SHISAL1: variants seen among roughly 807,000 people sequenced by gnomAD.
SHISAL1 encodes the protein protein shisa-like-1.
SHISAL1 carries 9 observed loss-of-function variants against 22.6 expected under a neutral mutation model. The ratio of observed to expected loss-of-function variants is 0.40; its 90% CI spans 0.24 to 0.70. The LOEUF (loss-of-function observed/expected upper bound fraction) is 0.70. SHISAL1 is among the 30% of genes least tolerant of loss of function. The pLI is 0.39. For missense variants in SHISAL1, 246 were observed against 270.6 expected (o/e 0.91, Z 0.64); for synonymous variants, 119 against 115.4 (o/e 1.03, Z -0.20).
chr22:44,300,849 C>T (rs747158927), intron 2 of SHISAL1, 30 bp downstream of exon 2: 3 of 1,603,130 alleles, frequency 1.9e-6, no homozygotes, highest in Middle Eastern at 1.7e-4. Context: ...CACGTGCCGC[C>T]CCCGCCCCCA....
intron 4 of SHISAL1, among the ~76,000 whole-genome samples, chr22:44,276,632 G>A (rs1569214914): frequency 6.6e-6 from 1 of 152,128 alleles, no homozygotes; most frequent in African/African-American, 2.4e-5. Flanking sequence ...AGGAAAGAAA[G>A]GGAGGAGCCA....
chr22:44,296,930 C>G, intron 2 of SHISAL1, 45 bp from the exon 3 acceptor site: 1 of 1,497,412 alleles, frequency 6.7e-7, no homozygotes, highest in Non-Finnish European at 9.2e-7. Flanking sequence ...CTCACCAGTC[C>G]ACGGGTGCCA....
intron 3 of SHISAL1, among the ~76,000 whole-genome samples, chr22:44,288,510 G>A (rs540390008): frequency 5.9e-5 from 9 of 152,224 alleles, no homozygotes; most frequent in Admixed American, 1.3e-4. Context: ...GTGTGGTGGC[G>A]GGCGCCTGTA....
At chr22:44,252,882 C>A (rs1476346692) in intron 4 of SHISAL1, among the ~76,000 whole-genome samples, 1 of 151,852 alleles carries the variant, frequency 6.6e-6, no homozygotes, top group Non-Finnish European at 1.5e-5. Flanking sequence ...GCAGTCCCAG[C>A]TACTCAAGAG....
the SHISAL1 span, among the ~76,000 whole-genome samples, chr22:44,323,761 C>T: frequency 6.6e-6 from 1 of 152,250 alleles, no homozygotes; most frequent in Non-Finnish European, 1.5e-5. Context: ...TCAAGCTAAA[C>T]TAGGAACAAG....
intron 4 of SHISAL1, among the ~76,000 whole-genome samples, chr22:44,284,195 A>G (rs1300168352): frequency 1.3e-5 from 2 of 152,138 alleles, no homozygotes; most frequent in South Asian, 4.1e-4. Context: ...ACTACCTGCT[A>G]GCTATGTGAA....
chr22:44,327,587 G>T, the SHISAL1 span, among the ~76,000 whole-genome samples: 3 of 152,266 alleles, frequency 2.0e-5, 1 homozygote, highest in Middle Eastern at 6.8e-3. Flanking sequence ...CTGCCCGGGG[G>T]TGGGTCTCAG....
At chr22:44,289,620 C>T (rs1027924391) in intron 3 of SHISAL1, among the ~76,000 whole-genome samples, 17 of 152,326 alleles carry the variant, frequency 1.1e-4, no homozygotes, top group Admixed American at 1.0e-3. Flanking sequence ...GGGGTGTTGC[C>T]TTTGCTGATT....
At position 44,281,309 on chromosome 22, in the gene SHISAL1, T is replaced by A. The variant is rs138841635; in HGVS notation, c.599+4119A>T. Among the ~76,000 whole-genome samples, 1,381 of 152,168 alleles carry A rather than the reference T, an allele frequency of 9.1e-3. 12 individuals are homozygous for A. Among genetic ancestry groups the A allele is most frequent in the Non-Finnish European group, 0.011 (749 of 67,980 alleles). The stretch of plus-strand genomic sequence containing the variant: ...TCTGGTCGGGGGAGCTGCACACCAC[T>A]GCACAACTGACAAGGGTAGGGAGTC... On this transcript the variant is annotated intron_variant, in intron 4 of 4. Coordinates refer to ENST00000381176, the MANE Select transcript of SHISAL1 (RefSeq NM_001099294.2).
At chr22:44,327,239 C>CGT in the SHISAL1 span, among the ~76,000 whole-genome samples, 14 of 75,506 alleles carry the variant, frequency 1.9e-4, no homozygotes, top group African/African-American at 6.6e-4. Context: ...GTGGGGGGCG[C>CGT]GCACACACAC....
At chr22:44,282,714 C>G (rs2055285117) in intron 4 of SHISAL1, among the ~76,000 whole-genome samples, 1 of 152,224 alleles carries the variant, frequency 6.6e-6, no homozygotes, top group African/African-American at 2.4e-5. Context: ...CAGCGGCACT[C>G]AGCAGGAGGC....
At position 44,248,200 on chromosome 22, in the gene SHISAL1, C is replaced by T. The variant is rs1247418672; in HGVS notation, c.*1485G>A. The T allele has an allele frequency of 6.6e-6, 1 of 152,060 alleles. No individual in the cohort carries two copies. Among genetic ancestry groups the T allele is most frequent in the African/African-American group, 2.4e-5 (1 of 41,246 alleles). The allele number at this position is 152,060 out of a possible 1,614,324, so 9.4% of individuals were successfully genotyped here. ...TCCTGCCCCAGCTAGAAAGCTAGCA[C>T]AGTGAGCAGGGACCTGCCTTGCTCA... On this transcript the variant is annotated 3_prime_UTR_variant, in exon 5 of 5. Transcript: ENST00000381176.
the SHISAL1 span, among the ~76,000 whole-genome samples, chr22:44,318,261 G>T: frequency 6.6e-6 from 1 of 152,262 alleles, no homozygotes; most frequent in African/African-American, 2.4e-5. Flanking sequence ...GCGTAGCATC[G>T]GTCGACATCT....
chr22:44,316,892 C>T (rs1487039339), upstream of SHISAL1, among the ~76,000 whole-genome samples: 1 of 152,326 alleles, frequency 6.6e-6, no homozygotes, highest in East Asian at 1.9e-4. Context: ...GGGTTGCTGC[C>T]TAGAGAGTTA....
At position 44,264,456 on chromosome 22, in the gene SHISAL1, G is replaced by A. The variant is rs202122020; in HGVS notation, c.*-14771C>T. ...AAATGACAGAGAGCAGGTGTGGTGT[G>A]AGCTCTGGTGGCTGGACATACCTTC... On this transcript the variant is annotated intron_variant, in intron 4 of 4. Coordinates refer to ENST00000381176, the MANE Select transcript of SHISAL1 (RefSeq NM_001099294.2). 5.9e-5 allele frequency among the ~76,000 whole-genome samples: 9 copies of A among 152,246 alleles called. No individual in the cohort carries two copies. The East Asian group carries it at 1.2e-3, about 20-fold the overall frequency.
In SHISAL1 at chr22:44,244,946, G is replaced by A. The variant is rs1054379909; in HGVS notation, c.*4739C>T. On this transcript the variant is annotated 3_prime_UTR_variant, in exon 5 of 5. Coordinates refer to ENST00000381176, the MANE Select transcript of SHISAL1 (RefSeq NM_001099294.2). Reference sequence around the variant, plus strand: ...GTGGGACGTGTTGGTGCTACAGCAAGGAACTAGGGCACTGTGCATGGCATC... The same window carrying A: ...GTGGGACGTGTTGGTGCTACAGCAAAGAACTAGGGCACTGTGCATGGCATC... 4 of 152,282 alleles carry A rather than the reference G, an allele frequency of 2.6e-5. No individual in the cohort carries two copies. The highest frequency in any genetic ancestry group is 9.6e-5 in the African/African-American group (4 of 41,468). 9.4% of individuals were successfully genotyped at this position (152,282 alleles called of 1,614,324 possible).
At chr22:44,298,239 A>G (rs575488351) in intron 2 of SHISAL1, among the ~76,000 whole-genome samples, 7 of 152,350 alleles carry the variant, frequency 4.6e-5, no homozygotes, top group East Asian at 1.9e-4. Flanking sequence ...GAGAGCCCCA[A>G]GTAGACAGCT....
intron 4 of SHISAL1, among the ~76,000 whole-genome samples, chr22:44,264,471 G>C (rs1226525892): frequency 6.6e-6 from 1 of 152,098 alleles, no homozygotes; most frequent in Non-Finnish European, 1.5e-5. Context: ...CTGGTGGCTG[G>C]ACATACCTTC....
intron 3 of SHISAL1, among the ~76,000 whole-genome samples, chr22:44,293,460 G>A (rs941574519): frequency 1.3e-5 from 2 of 152,154 alleles, no homozygotes; most frequent in Non-Finnish European, 1.5e-5. Context: ...ATCGGGATGC[G>A]ACTAAACATC....
Sources: allele counts gnomAD v4.1 joint callset (sites outside exome capture counted in the v4.1 genomes callset), GRCh38; gene constraint gnomAD v4.1.1; transcripts MANE v1.5; gene names NCBI Gene and HGNC (gene_info 2026-07-23, HGNC 2026-07-21).